Variants in KIAA2012 observed in about 807,000 individuals in gnomAD.
The protein encoded by KIAA2012 is uncharacterized protein KIAA2012.
A neutral mutation model predicts 150.6 loss-of-function variants in KIAA2012; 125 were observed. That is an observed-to-expected ratio of 0.83 (90% CI 0.72 to 0.96). KIAA2012 has a LOEUF of 0.96. Ranked by LOEUF, KIAA2012 falls within the 40% of genes least tolerant of loss-of-function variation. The probability of loss-of-function intolerance (pLI) is 0.00; values close to 1 mark genes in which losing one functional copy is unlikely to be tolerated. For synonymous variants in KIAA2012, 462 were observed against 504.7 expected, an observed-to-expected ratio of 0.92 and a Z score of 1.13; for missense variants, 1,219 against 1,354.9, an observed-to-expected ratio of 0.90 and a Z score of 1.57.
intron 12 of KIAA2012, 181 bp from the exon 13 acceptor site, chr2:202,138,251 T>TA: frequency 1.8e-6 from 1 of 561,550 alleles, no homozygotes; most frequent in Non-Finnish European, 3.2e-6. Flanking sequence ...GTGTTTAGGC[T>TA]ATGCCTATAG....
chr2:202,073,747 G>T (rs1478065813), intron 1 of KIAA2012, 36 bp downstream of exon 1: 1 of 1,527,410 alleles, frequency 6.5e-7, no homozygotes, highest in East Asian at 2.5e-5. Context: ...ACATTTTGGA[G>T]GTGGGAGAGG....
intron 12 of KIAA2012, among the ~76,000 whole-genome samples, chr2:202,130,788 G>T (rs1045002771): frequency 3.3e-5 from 5 of 152,160 alleles, no homozygotes; most frequent in Admixed American, 2.6e-4. Flanking sequence ...ACAGTGGCAG[G>T]CACCTGTAGT....
rs921929980 is a variant in KIAA2012 at position 202,075,015 on chromosome 2, C to T, written c.209C>T (p.Ala70Val). The change falls in exon 2 of 24, where the codon GCC becomes GTC. Residue 70 changes from alanine to valine, a missense_variant. By Grantham distance (64) the Ala-to-Val change is moderately conservative (BLOSUM62 0). Coordinates refer to ENST00000498697, the MANE Select transcript of KIAA2012 (RefSeq NM_001277372.4). ...AAAACTTTCAGTACTAGAAAGGGTG[C>T]CCTGATCCTGTACTCAGAAGGTTTT... ...LPKTFSTRKG[A>V]LILYSEGFAI... 1.2e-5 allele frequency: 18 copies of T among 1,550,530 alleles called. No homozygotes were observed. The highest frequency in any genetic ancestry group is 1.6e-5 in the Non-Finnish European group (18 of 1,147,008).
chr2:202,080,372 T>C (rs1009491374), intron 2 of KIAA2012, among the ~76,000 whole-genome samples: 3 of 152,120 alleles, frequency 2.0e-5, no homozygotes, highest in Non-Finnish European at 4.4e-5. Flanking sequence ...ATTCATTTGT[T>C]CCCTTGTATA....
chr2:202,136,551 C>CGGGACT (rs1691065956), intron 12 of KIAA2012: 1 of 152,442 alleles, frequency 6.6e-6, no homozygotes, highest in African/African-American at 2.4e-5. Context: ...GCACTCGCTG[C>CGGGACT]GGGACTTTGC....
rs1689413343 is a variant in KIAA2012, at chr2:202,080,116, C to G, written c.369+4941C>G. 4.6e-5 allele frequency among the ~76,000 whole-genome samples: 7 copies of G among 152,234 alleles called. No individual in the cohort carries two copies. The South Asian group carries it at 1.4e-3, about 31-fold the overall frequency. On this transcript the variant is annotated intron_variant, in intron 2 of 23. Coordinates refer to ENST00000498697, the MANE Select transcript of KIAA2012 (RefSeq NM_001277372.4). ...ACGGATTCCAAAGCCCCACGTTTAA[C>G]CCCTAGATGGCTTGATTTTGAAAAC...
chr2:202,074,151 A>C (rs1414104553), intron 1 of KIAA2012, among the ~76,000 whole-genome samples: 1 of 151,828 alleles, frequency 6.6e-6, no homozygotes, highest in African/African-American at 2.4e-5. Flanking sequence ...ATATAGGCCA[A>C]AAAAAAACCC....
At chr2:202,203,288 AT>A (rs939702223) in intron 23 of KIAA2012, among the ~76,000 whole-genome samples, 23 of 152,200 alleles carry the variant, frequency 1.5e-4, no homozygotes, top group African/African-American at 5.5e-4. Context: ...AAATTTATAT[AT>A]TCAAATATAT....
intron 15 of KIAA2012, among the ~76,000 whole-genome samples, chr2:202,182,998 CA>C: frequency 6.6e-6 from 1 of 152,150 alleles, no homozygotes; most frequent in South Asian, 2.1e-4. Context: ...TAGACTAGTC[CA>C]ATATGAAGTC....
chr2:202,118,295 A>T (rs1690575419), intron 11 of KIAA2012, among the ~76,000 whole-genome samples: 1 of 152,140 alleles, frequency 6.6e-6, no homozygotes, highest in Non-Finnish European at 1.5e-5. Context: ...TCTCTGGTCA[A>T]ATGTTTGAGT....
chr2:202,195,170 A>G lies in KIAA2012; in HGVS notation c.3187+808A>G, dbSNP rs986406551. ...TGATATGTAATTATCAAATTGGGGT[A>G]ATTTGCATATCCATCACTTCAAACA... On this transcript the variant is annotated intron_variant, in intron 21 of 23. Coordinates refer to ENST00000498697, the MANE Select transcript of KIAA2012 (RefSeq NM_001277372.4). Among the ~76,000 whole-genome samples, 138 of 152,248 alleles carry G rather than the reference A, an allele frequency of 9.1e-4. 1 individual carries two copies. Among genetic ancestry groups the G allele is most frequent in the African/African-American group, 3.1e-3 (130 of 41,550 alleles).
chr2:202,093,794 T>G (rs1354410148), intron 4 of KIAA2012, among the ~76,000 whole-genome samples: 2 of 152,196 alleles, frequency 1.3e-5, no homozygotes, highest in Non-Finnish European at 2.9e-5. Flanking sequence ...GCAAGCCGTC[T>G]GTAAACTGTT....
chr2:202,156,307 T>C (rs2037461), intron 14 of KIAA2012, among the ~76,000 whole-genome samples: 59,550 of 151,990 alleles, frequency 0.39, 12,122 homozygotes, highest in East Asian at 0.6. Flanking sequence ...CCATGACTTA[T>C]CTGGTGAAAC....
At chr2:202,144,486 T>C (rs1691257698) in intron 13 of KIAA2012, among the ~76,000 whole-genome samples, 1 of 151,984 alleles carries the variant, frequency 6.6e-6, no homozygotes, top group African/African-American at 2.4e-5. Context: ...CCGTCAGCTC[T>C]CCTCTTTCAG....
rs1559217510 is a variant in KIAA2012 at position 202,138,414 on chromosome 2, C to T, written c.1832-18C>T. On this transcript the variant is annotated intron_variant, in intron 12 of 23. Coordinates refer to ENST00000498697, the MANE Select transcript of KIAA2012 (RefSeq NM_001277372.4). ...TCTGACCACCTTGATCTTTTTTCCT[C>T]TTTGATTTTCACTACAGCAAACACT... 7.8e-6 allele frequency: 12 copies of T among 1,547,604 alleles called. No individual in the cohort carries two copies. Among genetic ancestry groups the T allele is most frequent in the Non-Finnish European group, 9.6e-6 (11 of 1,144,356 alleles).
At chr2:202,073,785 A>G in intron 1 of KIAA2012, 74 bp downstream of exon 1, 2 of 1,322,042 alleles carry the variant, frequency 1.5e-6, no homozygotes, top group South Asian at 2.6e-5. Context: ...CTTGGGAGGT[A>G]AACCATGTGT....
chr2:202,196,858 C>A lies in KIAA2012; in HGVS notation c.3246C>A (p.His1082Gln). The A allele has an allele frequency of 6.4e-7, 1 of 1,550,594 alleles. No homozygotes were observed. The highest frequency in any genetic ancestry group is 8.7e-7 in the Non-Finnish European group (1 of 1,147,000). Residue 1082 changes from histidine (H) to glutamine (Q), a missense_variant, in exon 22 of 24, where the codon CAC (histidine) becomes CAA (glutamine). Physicochemically the swap from His to Gln is conservative, Grantham distance 24. Coordinates refer to ENST00000498697, the MANE Select transcript of KIAA2012 (RefSeq NM_001277372.4). Reference protein sequence around the residue: ...LEMQLEEEQKHLMEMAEEERL... With the variant: ...LEMQLEEEQKQLMEMAEEERL... The stretch of plus-strand genomic sequence containing the variant: ...TGCAGTTAGAAGAAGAACAAAAACA[C>A]CTGATGGAAATGGCTGAAGAGGAAC...
intron 14 of KIAA2012, among the ~76,000 whole-genome samples, chr2:202,156,853 C>G (rs1691539327): frequency 6.6e-6 from 1 of 152,148 alleles, no homozygotes; most frequent in Non-Finnish European, 1.5e-5. Context: ...CCACTGCACT[C>G]CAGCCTGGGT....
intron 15 of KIAA2012, among the ~76,000 whole-genome samples, chr2:202,182,108 CTTTTTTTTTTTTTTT>C (rs754494077): frequency 1.9e-5 from 2 of 104,104 alleles, no homozygotes; most frequent in African/African-American, 7.4e-5. Flanking sequence ...TTTCTTTATT[CTTTTTTTTTTTTTTT>C]TTTTTTTTGA....
Sources: allele counts gnomAD v4.1 joint callset (sites outside exome capture counted in the v4.1 genomes callset), GRCh38; gene constraint gnomAD v4.1.1; transcripts MANE v1.5; gene names NCBI Gene and HGNC (gene_info 2026-07-23, HGNC 2026-07-21).